The following ELK4 variants were observed in gnomAD, a reference collection of about 807,000 sequenced individuals.
The protein encoded by ELK4 is ETS transcription factor ELK4.
ELK4 carries 16 observed loss-of-function variants against 29.6 expected under a neutral mutation model. That is an observed-to-expected ratio of 0.54 (90% CI 0.37 to 0.82). The LOEUF is 0.82. Ranked by LOEUF, ELK4 falls within the 40% of genes least tolerant of loss-of-function variation. The pLI is 0.00. For missense variants in ELK4, 465 were observed against 507.1 expected, an observed-to-expected ratio of 0.92 and a Z score of 0.80; for synonymous variants, 213 against 191.1, an observed-to-expected ratio of 1.11 and a Z score of -0.95.
rs1670195336 is a variant in ELK4 at position 205,614,182 on chromosome 1, T to C, written c.*2364A>G. 4.5e-6 allele frequency: 1 copy of C among 220,796 alleles called. No individual in the cohort carries two copies. Among genetic ancestry groups the C allele is most frequent in the Non-Finnish European group, 9.1e-6 (1 of 110,248 alleles). The allele number at this position is 220,796 out of a possible 1,614,324, so 13.7% of individuals were successfully genotyped here. On this transcript the variant is annotated 3_prime_UTR_variant, in exon 5 of 5. Coordinates refer to ENST00000357992, the MANE Select transcript of ELK4 (RefSeq NM_001973.4). ...AAAAGGACTCACTAAAATGGTTTAC[T>C]AGGAAGTTGCTTCAACTGAGTTTCA...
chr1:205,622,731 T>A (rs1473144233), intron 2 of ELK4, among the ~76,000 whole-genome samples: 3 of 152,268 alleles, frequency 2.0e-5, no homozygotes, highest in Non-Finnish European at 4.4e-5. Flanking sequence ...TATTTACTTA[T>A]CCTCAAGAAT....
rs189031097 is a variant in ELK4 at position 205,625,603 on chromosome 1, G to A, written c.-9-1712C>T. On this transcript the variant is annotated intron_variant, in intron 1 of 4. Transcript: ENST00000357992. The stretch of plus-strand genomic sequence containing the variant: ...ATAGTAGAAAAGGCTCCCAAAGCTC[G>A]GATAGGAGACCTGGACCAAAAGAAA... 5.7e-4 allele frequency: 705 copies of A among 1,237,180 alleles called. 1 individual carries two copies. Among genetic ancestry groups the A allele is most frequent in the African/African-American group, 4.0e-3 (272 of 67,732 alleles). The allele number at this position is 1,237,180 out of a possible 1,614,324, so 76.6% of individuals were successfully genotyped here.
In ELK4 at chr1:205,615,087, T is replaced by C. The variant is rs1449961822; in HGVS notation, c.*1459A>G. The C allele has an allele frequency of 5.3e-6, 1 of 187,744 alleles. No homozygotes were observed. Among genetic ancestry groups the C allele is most frequent in the Non-Finnish European group, 1.1e-5 (1 of 89,968 alleles). 11.6% of individuals were successfully genotyped at this position (187,744 alleles called of 1,614,324 possible). ...TATGTATAAGCATTCCCAAATGAACTCTGCTCTTCCCCATTTAAAAAAAAA... is the reference window on the plus strand; with the variant it reads ...TATGTATAAGCATTCCCAAATGAACCCTGCTCTTCCCCATTTAAAAAAAAA... On this transcript the variant is annotated 3_prime_UTR_variant, in exon 5 of 5. Coordinates refer to ENST00000357992, the MANE Select transcript of ELK4 (RefSeq NM_001973.4).
At position 205,613,933 on chromosome 1, in the gene ELK4, A is replaced by C. The variant is rs1386079928; in HGVS notation, c.*2613T>G. The stretch of plus-strand genomic sequence containing the variant: ...AAGTGGTACATCACCTTTCACACTA[A>C]GAATTCTGCATATATTCAACAGAAT... On this transcript the variant is annotated 3_prime_UTR_variant, in exon 5 of 5. Coordinates refer to ENST00000357992, the MANE Select transcript of ELK4 (RefSeq NM_001973.4). 4 of 220,348 alleles carry C rather than the reference A, an allele frequency of 1.8e-5. No individual in the cohort carries two copies. The highest frequency in any genetic ancestry group is 9.0e-5 in the African/African-American group (4 of 44,570). The allele number at this position is 220,348 out of a possible 1,614,324, so 13.6% of individuals were successfully genotyped here.
chr1:205,625,940 A>G (rs12048270), intron 1 of ELK4: 118,219 of 834,922 alleles, frequency 0.14, 10,241 homozygotes, highest in East Asian at 0.33. Context: ...GCCTCCCAAA[A>G]TGCTGGGATT....
rs1415104182 is a variant in ELK4, at chr1:205,612,970, T to C, written c.*3576A>G. The C allele has an allele frequency of 1.4e-5, 3 of 207,726 alleles. No individual in the cohort carries two copies. Among genetic ancestry groups the C allele is most frequent in the South Asian group, 1.9e-4 (1 of 5,326 alleles). The allele number at this position is 207,726 out of a possible 1,614,324, so 12.9% of individuals were successfully genotyped here. On this transcript the variant is annotated 3_prime_UTR_variant, in exon 5 of 5. Coordinates refer to ENST00000357992, the MANE Select transcript of ELK4 (RefSeq NM_001973.4). Reference sequence around the variant, plus strand: ...AATGTGGGAAAAAATTAAACTCATATTTTAACTCTAAGAAGCTTACGGTTG... The same window carrying C: ...AATGTGGGAAAAAATTAAACTCATACTTTAACTCTAAGAAGCTTACGGTTG...
Position 205,631,745 on chromosome 1 carries a change from C to A in ELK4, c.-123G>T, listed in dbSNP as rs767484646. On this transcript the variant is annotated 5_prime_UTR_variant, in exon 1 of 5. Coordinates refer to ENST00000357992, the MANE Select transcript of ELK4 (RefSeq NM_001973.4). ...GAGGACGGCGCGGCAGCCGCTGCGA[C>A]CCCCGCGGCGGAGCCGTAGAAGGCG... 166 of 303,128 alleles carry A rather than the reference C, an allele frequency of 5.5e-4. No homozygotes were observed. Among genetic ancestry groups the A allele is most frequent in the African/African-American group, 3.3e-3 (147 of 44,714 alleles). The allele number at this position is 303,128 out of a possible 1,614,324, so 18.8% of individuals were successfully genotyped here.
rs988861885 is a variant in ELK4 at position 205,615,844 on chromosome 1, T to C, written c.*702A>G. The C allele has an allele frequency of 9.5e-6, 2 of 211,182 alleles. No individual in the cohort carries two copies. The highest frequency in any genetic ancestry group is 1.9e-5 in the Non-Finnish European group (2 of 104,176). The allele number at this position is 211,182 out of a possible 1,614,324, so 13.1% of individuals were successfully genotyped here. A position where few individuals can be genotyped will look rare whatever the true frequency, so the allele number is the denominator to read the frequency against. On this transcript the variant is annotated 3_prime_UTR_variant, in exon 5 of 5. Transcript: ENST00000357992. ...AACCCCAGGTCTAAAAATCTTTCTA[T>C]AGTGAAATAGACTAGCTCCATGCTC...
Position 205,620,136 on chromosome 1 carries a change from C to A in ELK4, c.910G>T (p.Asp304Tyr). ...ENLSLEPKDQ[D>Y]SVLLEKDKVN... ...TTGTCCTTTTCTAGCAAGACTGAAT[C>A]CTGGTCTTTAGGCTCCAGTGACAAA... Residue 304 changes from aspartate (D) to tyrosine (Y), a missense_variant, in exon 3 of 5, where the codon GAT (aspartate) becomes TAT (tyrosine). Coordinates refer to ENST00000357992, the MANE Select transcript of ELK4 (RefSeq NM_001973.4). The A allele has an allele frequency of 6.2e-7, 1 of 1,614,186 alleles. No individual in the cohort carries two copies. Among genetic ancestry groups the A allele is most frequent in the South Asian group, 1.1e-5 (1 of 91,084 alleles).
Position 205,623,835 on chromosome 1 carries a change from C to A in ELK4, c.48G>T (p.Gln16His). 1 of 1,614,188 alleles carries A rather than the reference C, an allele frequency of 6.2e-7. No individual in the cohort carries two copies. The highest frequency in any genetic ancestry group is 8.5e-7 in the Non-Finnish European group (1 of 1,180,036). ...TLWQFLLQLL[Q>H]KPQNKHMICW... ...AGATCATGTGCTTGTTCTGAGGCTTCTGCAGGAGCTGAAGAAGGAACTGCC... is the reference window on the plus strand; with the variant it reads ...AGATCATGTGCTTGTTCTGAGGCTTATGCAGGAGCTGAAGAAGGAACTGCC... The change falls in exon 2 of 5, where the codon CAG becomes CAT. Residue 16 changes from glutamine (Q) to histidine (H), a missense_variant. Physicochemically the swap from Gln to His is conservative, Grantham distance 24. This residue lies in a region of ELK4 where 385 missense variants were observed against 387.5 expected (regional missense o/e 0.99). Coordinates refer to ENST00000357992, the MANE Select transcript of ELK4 (RefSeq NM_001973.4).
chr1:205,623,816 T>C lies in ELK4; in HGVS notation c.67A>G (p.Met23Val), dbSNP rs370703435. 1.2e-5 allele frequency: 20 copies of C among 1,614,094 alleles called. No homozygotes were observed. The highest frequency in any genetic ancestry group is 1.7e-5 in the Admixed American group (1 of 60,008). ...QLLQKPQNKH[M>V]ICWTSNDGQF... ...CCATCATTAGAGGTCCAACAGATCATGTGCTTGTTCTGAGGCTTCTGCAGG... is the reference window on the plus strand; with the variant it reads ...CCATCATTAGAGGTCCAACAGATCACGTGCTTGTTCTGAGGCTTCTGCAGG... Residue 23 changes from methionine to valine, a missense_variant, in exon 2 of 5, where the codon ATG becomes GTG. Around this residue, in one of 2 missense-constraint regions of ELK4, gnomAD observed 385 missense variants for 387.5 expected, o/e 0.99. Coordinates refer to ENST00000357992, the MANE Select transcript of ELK4 (RefSeq NM_001973.4).
chr1:205,626,135 A>C, intron 1 of ELK4: 3 of 727,170 alleles, frequency 4.1e-6, no homozygotes, highest in South Asian at 4.0e-5. Flanking sequence ...ACAGTGACCA[A>C]AGTGTCTACA....
intron 4 of ELK4, among the ~76,000 whole-genome samples, chr1:205,618,388 A>C (rs569825065): frequency 2.0e-4 from 31 of 152,212 alleles, no homozygotes; most frequent in African/African-American, 5.5e-4. Flanking sequence ...GGTAGGCTCT[A>C]AATCTCCTAC....
At chr1:205,619,098 T>C in intron 3 of ELK4, 25 bp from the exon 4 acceptor site, 1 of 1,490,142 alleles carries the variant, frequency 6.7e-7, no homozygotes. Context: ...GCAAAAATAT[T>C]CACTGACTGA....
rs1670130570 is a variant in ELK4 at position 205,610,140 on chromosome 1, T to C, written c.*6406A>G. 1.3e-5 allele frequency: 3 copies of C among 231,936 alleles called. No individual in the cohort carries two copies. The South Asian group carries it at 5.4e-4, about 42-fold the overall frequency. The allele number at this position is 231,936 out of a possible 1,614,324, so 14.4% of individuals were successfully genotyped here. A position where few individuals can be genotyped will look rare whatever the true frequency, so the allele number is the denominator to read the frequency against. ...CTTGAATGATTCCATTGGCTAGAACTCTGGGCCAGCCACAGGAAACCCCCA... is the reference window on the plus strand; with the variant it reads ...CTTGAATGATTCCATTGGCTAGAACCCTGGGCCAGCCACAGGAAACCCCCA... On this transcript the variant is annotated 3_prime_UTR_variant, in exon 5 of 5. Transcript: ENST00000357992.
Position 205,612,336 on chromosome 1 carries a change from G to T in ELK4, c.*4210C>A. The T allele has an allele frequency of 4.7e-6, 1 of 213,954 alleles. No homozygotes were observed. The highest frequency in any genetic ancestry group is 9.4e-6 in the Non-Finnish European group (1 of 105,986). The allele number at this position is 213,954 out of a possible 1,614,324, so 13.3% of individuals were successfully genotyped here. On this transcript the variant is annotated 3_prime_UTR_variant, in exon 5 of 5. Coordinates refer to ENST00000357992, the MANE Select transcript of ELK4 (RefSeq NM_001973.4). ...TTTAGGAAAAGCGTGTGCTTCTGGA[G>T]GGTGCACAAGACAACCAACTGGGGT... is the stretch of plus-strand genomic sequence containing the variant.
intron 1 of ELK4, among the ~76,000 whole-genome samples, chr1:205,631,369 C>G (rs1238328879): frequency 6.6e-6 from 1 of 151,026 alleles, no homozygotes; most frequent in Admixed American, 6.6e-5. Flanking sequence ...CCATCCACGC[C>G]GAAAAAATCG....
intron 2 of ELK4, 33 bp downstream of exon 2, chr1:205,623,643 C>T (rs894210464): frequency 6.2e-7 from 1 of 1,609,376 alleles, no homozygotes; most frequent in African/African-American, 1.3e-5. Context: ...TCTGGAGGTT[C>T]TCTGTATAGT....
intron 1 of ELK4, chr1:205,626,031 T>C: frequency 6.9e-7 from 1 of 1,444,922 alleles, no homozygotes; most frequent in Non-Finnish European, 9.7e-7. Flanking sequence ...GGATGCCTTG[T>C]TTTTCTTTGT....
Sources: allele counts gnomAD v4.1 joint callset (sites outside exome capture counted in the v4.1 genomes callset), GRCh38; gene constraint gnomAD v4.1.1; regional missense constraint gnomAD v4.1.1; transcripts MANE v1.5; gene names NCBI Gene and HGNC (gene_info 2026-07-23, HGNC 2026-07-21).